Variants in SPTSSA observed in about 807,000 individuals in gnomAD.
SPTSSA encodes the protein serine palmitoyltransferase small subunit A.
Under a neutral mutation model 9.1 loss-of-function variants are expected in SPTSSA, and 8 were observed. That is an observed-to-expected ratio of 0.88 (90% CI 0.51 to 1.58). The LOEUF (loss-of-function observed/expected upper bound fraction) is 1.58. Ranked by LOEUF, SPTSSA falls within the 40% of genes most tolerant of loss-of-function variation. The pLI, the probability that SPTSSA is intolerant of heterozygous loss-of-function variation, is 0.00. For synonymous variants in SPTSSA, 42 were observed against 37.7 expected, an observed-to-expected ratio of 1.11 and a Z score of -0.41; for missense variants, 100 against 93.8, an observed-to-expected ratio of 1.07 and a Z score of -0.27.
At chr14:34,437,183 G>A (rs564325430) in intron 1 of SPTSSA, among the ~76,000 whole-genome samples, 14 of 152,246 alleles carry the variant, frequency 9.2e-5, no homozygotes, top group South Asian at 6.2e-4. Context: ...GATGTGAGCC[G>A]GAAGGGCACC....
chr14:34,451,717 CAAAAAAAAAAAAA>C (rs35096900), intron 1 of SPTSSA, among the ~76,000 whole-genome samples: 1 of 77,182 alleles, frequency 1.3e-5, no homozygotes, highest in African/African-American at 4.2e-5. Context: ...GACTCTGTTT[CAAAAAAAAAAAAA>C]AAAAAAAATC....
chr14:34,451,166 G>A (rs1404470136), intron 1 of SPTSSA, among the ~76,000 whole-genome samples: 1 of 151,792 alleles, frequency 6.6e-6, no homozygotes, highest in African/African-American at 2.4e-5. Context: ...GTTCCAATCA[G>A]TAACTCTAAA....
intron 1 of SPTSSA, among the ~76,000 whole-genome samples, chr14:34,452,383 ATG>A (rs1883546233): frequency 6.6e-6 from 1 of 152,172 alleles, no homozygotes; most frequent in Non-Finnish European, 1.5e-5. Context: ...AGTCCTCTGT[ATG>A]TTAACCAATT....
At chr14:34,444,209 G>A (rs746365085) in intron 1 of SPTSSA, among the ~76,000 whole-genome samples, 3 of 152,108 alleles carry the variant, frequency 2.0e-5, no homozygotes, top group Non-Finnish European at 4.4e-5. Context: ...AATAAAGACA[G>A]TTTTAAAGAT....
chr14:34,443,550 T>TGTATGTGTGTGTGTTTGTGTGTGC (rs1555314418), intron 1 of SPTSSA, among the ~76,000 whole-genome samples: 1 of 90,942 alleles, frequency 1.1e-5, no homozygotes, highest in African/African-American at 5.1e-5. Flanking sequence ...TGTGTGTGTG[T>TGTATGTGTGTGTGTTTGTGTGTGC]TTTGAGATGG....
chr14:34,445,150 T>G (rs1016015937), intron 1 of SPTSSA, among the ~76,000 whole-genome samples: 2 of 152,090 alleles, frequency 1.3e-5, no homozygotes, highest in Admixed American at 1.3e-4. Context: ...CTAAAAATAG[T>G]AGAAAAAACT....
At chr14:34,437,978 A>G (rs1883264814) in intron 1 of SPTSSA, among the ~76,000 whole-genome samples, 1 of 151,692 alleles carries the variant, frequency 6.6e-6, no homozygotes, top group Admixed American at 6.6e-5. Context: ...TTTCTTTATT[A>G]TTTTTGTAGA....
Position 34,433,615 on chromosome 14 carries a change from C to T in SPTSSA, c.*1586G>A, listed in dbSNP as rs1189877981. On this transcript the variant is annotated 3_prime_UTR_variant, in exon 2 of 2. Coordinates refer to ENST00000298130, the MANE Select transcript of SPTSSA (RefSeq NM_138288.4). ...TTAAACACATATATATTACTTGAGA[C>T]CTCTAGACTATAAAATACTTCAAAA... is the stretch of plus-strand genomic sequence containing the variant. The T allele has an allele frequency of 6.6e-6, 1 of 152,088 alleles. No individual in the cohort carries two copies. Among genetic ancestry groups the T allele is most frequent in the African/African-American group, 2.4e-5 (1 of 41,396 alleles). 9.4% of individuals were successfully genotyped at this position (152,088 alleles called of 1,614,324 possible).
intron 1 of SPTSSA, among the ~76,000 whole-genome samples, chr14:34,457,743 G>A (rs1594626871): frequency 6.6e-6 from 1 of 152,018 alleles, no homozygotes; most frequent in Admixed American, 6.6e-5. Flanking sequence ...AAGCTGAAGT[G>A]GGGGGATCAC....
At chr14:34,438,093 A>C (rs529271175) in intron 1 of SPTSSA, among the ~76,000 whole-genome samples, 2 of 152,212 alleles carry the variant, frequency 1.3e-5, no homozygotes, top group East Asian at 3.9e-4. Flanking sequence ...GTGAGCCACC[A>C]CGCCGAGCTG....
intron 1 of SPTSSA, among the ~76,000 whole-genome samples, chr14:34,460,613 C>T (rs1878599925): frequency 6.6e-6 from 1 of 152,050 alleles, no homozygotes; most frequent in African/African-American, 2.4e-5. Context: ...TAATAGTGCA[C>T]TCTACATTCA....
chr14:34,446,329 T>C (rs1013400345), intron 1 of SPTSSA, among the ~76,000 whole-genome samples: 1 of 152,216 alleles, frequency 6.6e-6, no homozygotes, highest in African/African-American at 2.4e-5. Context: ...GAACAGCTTT[T>C]CCAAGTTCAC....
intron 1 of SPTSSA, among the ~76,000 whole-genome samples, chr14:34,449,589 A>G (rs1380708511): frequency 2.1e-5 from 3 of 141,498 alleles, no homozygotes; most frequent in African/African-American, 8.0e-5. Context: ...TGTAACCTCC[A>G]CCTCCCAGGT....
chr14:34,437,044 G>A (rs1240612170), intron 1 of SPTSSA, among the ~76,000 whole-genome samples: 4 of 152,162 alleles, frequency 2.6e-5, no homozygotes, highest in Admixed American at 1.3e-4. Context: ...CCTCCAGACT[G>A]TAGGCATTGT....
chr14:34,458,302 G>A (rs527564759), intron 1 of SPTSSA, among the ~76,000 whole-genome samples: 16 of 148,692 alleles, frequency 1.1e-4, no homozygotes, highest in Non-Finnish European at 1.5e-5. Flanking sequence ...AAGAGATTCT[G>A]GTGCCTCAGC....
chr14:34,460,992 C>G (rs1878605624), intron 1 of SPTSSA, among the ~76,000 whole-genome samples: 2 of 152,142 alleles, frequency 1.3e-5, no homozygotes. Flanking sequence ...CAACCTTAAG[C>G]TATCTCAAAA....
chr14:34,461,345 G>C (rs1290537151), intron 1 of SPTSSA, among the ~76,000 whole-genome samples: 2 of 152,172 alleles, frequency 1.3e-5, no homozygotes, highest in Non-Finnish European at 2.9e-5. Flanking sequence ...GATGAGTTAA[G>C]ATACAGACAA....
At chr14:34,449,226 G>T (rs139682650) in intron 1 of SPTSSA, among the ~76,000 whole-genome samples, 3 of 151,432 alleles carry the variant, frequency 2.0e-5, no homozygotes, top group Non-Finnish European at 4.4e-5. Context: ...GTGAAACCCC[G>T]TCTCTACAAA....
chr14:34,457,381 T>G (rs1008410315), intron 1 of SPTSSA, among the ~76,000 whole-genome samples: 9 of 152,210 alleles, frequency 5.9e-5, no homozygotes, highest in African/African-American at 2.2e-4. Flanking sequence ...CCTGGTCTTT[T>G]CTTTCCCACC....
Sources: allele counts gnomAD v4.1 joint callset (sites outside exome capture counted in the v4.1 genomes callset), GRCh38; gene constraint gnomAD v4.1.1; transcripts MANE v1.5; gene names NCBI Gene and HGNC (gene_info 2026-07-23, HGNC 2026-07-21).